Variants in PDE6G observed in about 807,000 individuals in gnomAD.
PDE6G encodes the protein phosphodiesterase 6G.
PDE6G carries 10 observed loss-of-function variants against 10.9 expected under a neutral mutation model. The observed-to-expected ratio is 0.91, with a 90% CI of 0.56 to 1.55. The LOEUF is 1.55. PDE6G is among the 40% of genes most tolerant of loss of function. The pLI is 0.00. For missense variants in PDE6G, 102 were observed against 110.1 expected (o/e 0.93, Z 0.33); for synonymous variants, 41 against 42.8 (o/e 0.96, Z 0.16).
Position 81,651,484 on chromosome 17 carries a change from G to A in PDE6G, c.187+161C>T, listed in dbSNP as rs2036353860. Reference sequence around the variant, plus strand: ...CCCACCCTCTAGATCCAGTGGATCTGGAGCTCAGTGTTGGGGGAAGAAGTG... The same window carrying A: ...CCCACCCTCTAGATCCAGTGGATCTAGAGCTCAGTGTTGGGGGAAGAAGTG... On this transcript the variant is annotated intron_variant, in intron 3 of 3. Transcript: ENST00000331056. This position sits in a 1 kb window ranked among gnomAD's most constrained non-coding sequence, Gnocchi z 4.8. 6.6e-6 allele frequency among the ~76,000 whole-genome samples: 1 copy of A among 152,044 alleles called. No individual in the cohort carries two copies. The highest frequency in any genetic ancestry group is 1.5e-5 in the Non-Finnish European group (1 of 67,962).
chr17:81,658,882 G>A (rs2036482554), upstream of PDE6G, among the ~76,000 whole-genome samples: 1 of 152,022 alleles, frequency 6.6e-6, no homozygotes, highest in Non-Finnish European at 1.5e-5. Context: ...AAAATAAAAT[G>A]TATGAGTACT....
intron 1 of PDE6G, among the ~76,000 whole-genome samples, chr17:81,662,833 A>G (rs2036526221): frequency 6.6e-6 from 1 of 151,658 alleles, no homozygotes; most frequent in Non-Finnish European, 1.5e-5. Context: ...CCCCGTCTCT[A>G]GTAAAAATAC....
chr17:81,651,171 G>A lies in PDE6G; in HGVS notation c.188-21C>T, dbSNP rs745331157. 25 of 1,571,186 alleles carry A rather than the reference G, an allele frequency of 1.6e-5. No individual in the cohort carries two copies. The highest frequency in any genetic ancestry group is 8.3e-5 in the Admixed American group (5 of 59,944). ...GATGTCTGTGGGAGAAACGGGCCAC[G>A]GATCAGAGAGGATCCCACGGCCTAG... On this transcript the variant is annotated intron_variant, in intron 3 of 3. Coordinates refer to ENST00000331056, the MANE Select transcript of PDE6G (RefSeq NM_002602.4). The surrounding 1 kb of genome is among the most constrained non-coding windows in gnomAD (Gnocchi z 4.8).
In PDE6G at chr17:81,653,418, T is replaced by G; in HGVS notation, c.-59-54A>C. Reference sequence around the variant, plus strand: ...TCAGCCCTCCTGCTTCCAACCCTTGTGGGGGTCTCAACCCACCGGTGGAGG... The same window carrying G: ...TCAGCCCTCCTGCTTCCAACCCTTGGGGGGGTCTCAACCCACCGGTGGAGG... On this transcript the variant is annotated intron_variant, in intron 1 of 3. Transcript: ENST00000331056. This position sits in a 1 kb window ranked among gnomAD's most constrained non-coding sequence, Gnocchi z 5.2. The G allele has an allele frequency of 7.7e-7, 1 of 1,304,440 alleles. No individual in the cohort carries two copies. The highest frequency in any genetic ancestry group is 1.1e-6 in the Non-Finnish European group (1 of 937,004). 80.8% of individuals were successfully genotyped at this position (1,304,440 alleles called of 1,614,324 possible).
chr17:81,652,460 G>T (rs918511904), intron 2 of PDE6G, among the ~76,000 whole-genome samples: 1 of 151,794 alleles, frequency 6.6e-6, no homozygotes, highest in Non-Finnish European at 1.5e-5. Context: ...GTATTTTTTA[G>T]TAGAGACAGG....
At chr17:81,652,214 G>T (rs527438823) in intron 2 of PDE6G, among the ~76,000 whole-genome samples, 1 of 151,738 alleles carries the variant, frequency 6.6e-6, no homozygotes, top group Non-Finnish European at 1.5e-5. Flanking sequence ...CCGTGTGTGC[G>T]CATGTGTGAG....
chr17:81,657,435 G>A (rs1349513227), upstream of PDE6G, among the ~76,000 whole-genome samples: 1 of 152,188 alleles, frequency 6.6e-6, no homozygotes, highest in African/African-American at 2.4e-5. Context: ...ACAAAGATTC[G>A]CTTCTGCACC....
Position 81,662,492 on chromosome 17 carries a change from G to A in PDE6G, c.-60+567C>T, listed in dbSNP as rs1364542238. Among the ~76,000 whole-genome samples the A allele has an allele frequency of 3.3e-5, 5 of 152,012 alleles. No individual in the cohort carries two copies. In the East Asian group the frequency reaches 9.7e-4, roughly 29 times the overall value. ...ATAAAAATTAGCCAGACGCTGTGGG[G>A]CACGCCTGTAGTCCCAGCTACTTGG... is the stretch of plus-strand genomic sequence containing the variant. On this transcript the variant is annotated intron_variant, in intron 1 of 3. Transcript: ENST00000571224.
upstream of PDE6G, among the ~76,000 whole-genome samples, chr17:81,659,080 T>C (rs1019447976): frequency 6.6e-6 from 1 of 150,554 alleles, no homozygotes; most frequent in East Asian, 2.0e-4. Context: ...ATGGAACAAG[T>C]CAAAAACCTC....
chr17:81,656,216 A>C (rs2036444830), intron 1 of PDE6G, among the ~76,000 whole-genome samples: 1 of 152,164 alleles, frequency 6.6e-6, no homozygotes, highest in Non-Finnish European at 1.5e-5. Context: ...ACTGGCGTCC[A>C]CTCAGGTCAG....
chr17:81,653,433 ACCG>A lies in PDE6G; in HGVS notation c.-59-72_-59-70del, dbSNP rs2036399238. The A allele has an allele frequency of 9.0e-7, 1 of 1,105,538 alleles. No homozygotes were observed. Among genetic ancestry groups the A allele is most frequent in the African/African-American group, 1.5e-5 (1 of 64,526 alleles). The allele number at this position is 1,105,538 out of a possible 1,614,324, so 68.5% of individuals were successfully genotyped here. On this transcript the variant is annotated intron_variant, in intron 1 of 3. Transcript: ENST00000331056. This position sits in a 1 kb window ranked among gnomAD's most constrained non-coding sequence, Gnocchi z 5.2. The stretch of plus-strand genomic sequence containing the variant: ...CCAACCCTTGTGGGGGTCTCAACCC[ACCG>A]GTGGAGGGGCTGAGACCCAGCCCCG...
At position 81,650,791 on chromosome 17, in the gene PDE6G, G is replaced by C. The variant is rs1018012163; in HGVS notation, c.*283C>G. 1.9e-6 allele frequency: 1 copy of C among 535,234 alleles called. No homozygotes were observed. The highest frequency in any genetic ancestry group is 3.6e-6 in the Non-Finnish European group (1 of 278,606). 33.2% of individuals were successfully genotyped at this position (535,234 alleles called of 1,614,324 possible). On this transcript the variant is annotated 3_prime_UTR_variant, in exon 4 of 4. Transcript: ENST00000331056. ...GGTCCACTTCCCGTTCTCCCTGGGA[G>C]TGGAGACCGACCAAGCCTCTCTGTG...
In PDE6G at chr17:81,653,949, T is replaced by C. The variant is rs567654342; in HGVS notation, c.-59-585A>G. On this transcript the variant is annotated intron_variant, in intron 1 of 3. Transcript: ENST00000331056. The surrounding 1 kb of genome is among the most constrained non-coding windows in gnomAD (Gnocchi z 5.2). ...CCTCAGCCTCCCCAGCAGCTGGGATTACCGGCGTCTGCCACCATGCCCGGC... is the reference window on the plus strand; with the variant it reads ...CCTCAGCCTCCCCAGCAGCTGGGATCACCGGCGTCTGCCACCATGCCCGGC... Among the ~76,000 whole-genome samples, 13 of 152,288 alleles carry C rather than the reference T, an allele frequency of 8.5e-5. No homozygotes were observed. The East Asian group carries it at 2.5e-3, about 29-fold the overall frequency.
At position 81,651,814 on chromosome 17, in the gene PDE6G, G is replaced by GCCT; in HGVS notation, c.147-132_147-130dup. The stretch of plus-strand genomic sequence containing the variant: ...CTGGGAGCCCAGTGGGCAGAGACCC[G>GCCT]CCTCCTCCCCAACCTCCCAGGGCTT... On this transcript the variant is annotated intron_variant, in intron 2 of 3. Coordinates refer to ENST00000331056, the MANE Select transcript of PDE6G (RefSeq NM_002602.4). The surrounding 1 kb of genome is among the most constrained non-coding windows in gnomAD (Gnocchi z 4.8). 1 of 954,218 alleles carries GCCT rather than the reference G, an allele frequency of 1.0e-6. No homozygotes were observed. Among genetic ancestry groups the GCCT allele is most frequent in the South Asian group, 1.4e-5 (1 of 72,358 alleles). The allele number at this position is 954,218 out of a possible 1,614,324, so 59.1% of individuals were successfully genotyped here.
intron 1 of PDE6G, among the ~76,000 whole-genome samples, chr17:81,661,704 A>G (rs2036512824): frequency 6.6e-6 from 1 of 152,010 alleles, no homozygotes; most frequent in South Asian, 2.1e-4. Flanking sequence ...TACTGAAACT[A>G]CAAAAATTAG....
upstream of PDE6G, among the ~76,000 whole-genome samples, chr17:81,657,722 T>C (rs1035479794): frequency 4.7e-5 from 7 of 150,260 alleles, no homozygotes; most frequent in South Asian, 4.2e-4. Context: ...CTACTAAAAA[T>C]ACAAAAAAAT....
rs1029692458 is a variant in PDE6G, at chr17:81,651,949, T to C, written c.147-264A>G. Among the ~76,000 whole-genome samples the C allele has an allele frequency of 6.6e-6, 1 of 152,146 alleles. No homozygotes were observed. The highest frequency in any genetic ancestry group is 2.1e-4 in the South Asian group (1 of 4,828). On this transcript the variant is annotated intron_variant, in intron 2 of 3. Transcript: ENST00000331056. The surrounding 1 kb of genome is among the most constrained non-coding windows in gnomAD (Gnocchi z 4.8). ...TGCAAGTCCCAGGATGCTGGGCAGG[T>C]GCGTGCCCTGGGGGAGTACGGGGGG...
At position 81,651,793 on chromosome 17, in the gene PDE6G, G is replaced by C; in HGVS notation, c.147-108C>G. 7.9e-7 allele frequency: 1 copy of C among 1,259,900 alleles called. No individual in the cohort carries two copies. The highest frequency in any genetic ancestry group is 1.1e-6 in the Non-Finnish European group (1 of 882,596). The allele number at this position is 1,259,900 out of a possible 1,614,324, so 78.0% of individuals were successfully genotyped here. ...CCTAGGAGATGAGGTGTTTGGCTGG[G>C]AGCCCAGTGGGCAGAGACCCGCCTC... On this transcript the variant is annotated intron_variant, in intron 2 of 3. Coordinates refer to ENST00000331056, the MANE Select transcript of PDE6G (RefSeq NM_002602.4). This position sits in a 1 kb window ranked among gnomAD's most constrained non-coding sequence, Gnocchi z 4.8.
Position 81,650,741 on chromosome 17 carries a change from G to C in PDE6G, c.*333C>G. On this transcript the variant is annotated 3_prime_UTR_variant, in exon 4 of 4. Coordinates refer to ENST00000331056, the MANE Select transcript of PDE6G (RefSeq NM_002602.4). ...TCCAGCTGGGAGGAGGGGACGATCT[G>C]GGGTCCAGCAGGCTCCCGGGCTGGG... is the stretch of plus-strand genomic sequence containing the variant. 2.1e-6 allele frequency: 1 copy of C among 472,948 alleles called. No homozygotes were observed. The highest frequency in any genetic ancestry group is 1.6e-5 in the South Asian group (1 of 63,510). 29.3% of individuals were successfully genotyped at this position (472,948 alleles called of 1,614,324 possible).
Sources: gnomAD v4.1 joint callset for allele counts (sites outside exome capture counted in the v4.1 genomes callset) on GRCh38, gnomAD v4.1.1 for gene constraint, Gnocchi (gnomAD v3.1) non-coding constraint, MANE v1.5 for transcripts, NCBI Gene and HGNC (gene_info 2026-07-23, HGNC 2026-07-21) for gene names.